Variants in ANK2 observed in about 807,000 individuals in gnomAD.
ANK2 encodes the protein ankyrin-2.
Under a neutral mutation model 360.5 loss-of-function variants are expected in ANK2, and 83 were observed. The ratio of observed to expected loss-of-function variants is 0.23; its 90% CI spans 0.19 to 0.28. ANK2 has a LOEUF of 0.28. ANK2 is among the 10% of genes least tolerant of loss of function. ANK2 has a pLI of 1.00. For synonymous variants in ANK2, 1,740 were observed against 1,759.5 expected (o/e 0.99, Z 0.28); for missense variants, 4,201 against 4,795.7 (o/e 0.88, Z 3.66).
chr4:112,783,774 C>T, the ANK2 span, among the ~76,000 whole-genome samples: 2 of 151,560 alleles, frequency 1.3e-5, no homozygotes, highest in African/African-American at 4.9e-5. Context: ...CTCAGCCTCC[C>T]GAATAGCTGG....
intron 2 of ANK2, among the ~76,000 whole-genome samples, chr4:112,913,947 T>C (rs1178852315): frequency 2.0e-5 from 3 of 152,164 alleles, no homozygotes; most frequent in African/African-American, 7.2e-5. Flanking sequence ...GATGGGAATA[T>C]TTTGTTGAGT....
chr4:113,083,914 T>C (rs2083436668), intron 1 of ANK2, among the ~76,000 whole-genome samples: 1 of 152,172 alleles, frequency 6.6e-6, no homozygotes. Flanking sequence ...AAGCATAAAA[T>C]TTCATGGTTT....
chr4:113,109,089 G>A (rs780134200), intron 1 of ANK2, among the ~76,000 whole-genome samples: 56 of 151,476 alleles, frequency 3.7e-4, no homozygotes, highest in Non-Finnish European at 6.9e-4. Flanking sequence ...CTGTTCTTAC[G>A]CAAAGCAGTA....
chr4:112,881,365 G>C (rs1373549280), intron 1 of ANK2, among the ~76,000 whole-genome samples: 1 of 152,230 alleles, frequency 6.6e-6, no homozygotes, highest in South Asian at 2.1e-4. Flanking sequence ...GAGCCCAGGA[G>C]GTGGAGGTTG....
the ANK2 span, among the ~76,000 whole-genome samples, chr4:112,793,465 GAGA>G: frequency 5.3e-5 from 8 of 152,170 alleles, no homozygotes; most frequent in East Asian, 1.2e-3. Flanking sequence ...GTAGTAATAA[GAGA>G]AGTAGATTTT....
intron 2 of ANK2, among the ~76,000 whole-genome samples, chr4:112,958,200 G>C (rs1402507433): frequency 3.3e-5 from 5 of 152,024 alleles, no homozygotes; most frequent in African/African-American, 7.3e-5. Context: ...GGTGGCGGCC[G>C]GGCAGAGGCT....
chr4:112,839,369 A>G (rs919936984), intron 1 of ANK2, among the ~76,000 whole-genome samples: 18 of 152,066 alleles, frequency 1.2e-4, no homozygotes, highest in Admixed American at 4.6e-4. Context: ...TTTTTTTTCA[A>G]TGAAATCTGC....
intron 2 of ANK2, among the ~76,000 whole-genome samples, chr4:112,997,946 C>T (rs961325847): frequency 6.7e-6 from 1 of 149,270 alleles, no homozygotes; most frequent in Non-Finnish European, 1.5e-5. Context: ...TTTCTCAAAA[C>T]TTTGGTGTCA....
Position 113,237,016 on chromosome 4 carries a change from C to A in ANK2, c.513C>A (p.Leu171=), listed in dbSNP as rs754837606. The A allele has an allele frequency of 4.3e-6, 7 of 1,614,162 alleles. No individual in the cohort carries two copies. Among genetic ancestry groups the A allele is most frequent in the Non-Finnish European group, 5.9e-6 (7 of 1,180,026 alleles). ...GCTTTACTCCTCTAGCTGTGGCACT[C>A]CAGCAAGGACACAACCAGGCGGTGG... ...EDGFTPLAVA[L]QQGHNQAVAI... The change falls in exon 6 of 46, where the codon CTC becomes CTA. Residue 171 remains leucine (L), a synonymous_variant. Transcript: ENST00000357077.
intron 1 of ANK2, among the ~76,000 whole-genome samples, chr4:112,861,968 CAA>C (rs1395570717): frequency 2.0e-5 from 3 of 152,034 alleles, no homozygotes; most frequent in Non-Finnish European, 4.4e-5. Context: ...GCACCGAGTC[CAA>C]ACCTTGGCTC....
upstream of ANK2, among the ~76,000 whole-genome samples, chr4:113,048,271 TATATA>T (rs1254803295): frequency 5.7e-4 from 37 of 64,600 alleles, no homozygotes; most frequent in African/African-American, 1.8e-3. Context: ...TATATATATA[TATATA>T]TTTTTTTTTT....
chr4:113,075,551 C>G (rs2079568653), intron 1 of ANK2, among the ~76,000 whole-genome samples: 1 of 152,104 alleles, frequency 6.6e-6, no homozygotes, highest in Admixed American at 6.5e-5. Flanking sequence ...TGGCATGTGG[C>G]AGATGGAACA....
At chr4:112,824,923 C>A (rs1024186029) in intron 1 of ANK2, among the ~76,000 whole-genome samples, 1 of 152,072 alleles carries the variant, frequency 6.6e-6, no homozygotes. Context: ...GTAAAAAAAC[C>A]AGTTCTGTAT....
At chr4:113,231,466 G>A (rs2099304214) in intron 4 of ANK2, among the ~76,000 whole-genome samples, 1 of 152,056 alleles carries the variant, frequency 6.6e-6, no homozygotes, top group Non-Finnish European at 1.5e-5. Flanking sequence ...GATAACCATG[G>A]TCTGTTTAAA....
chr4:113,252,937 C>G (rs1226162621), intron 10 of ANK2, among the ~76,000 whole-genome samples: 3 of 152,224 alleles, frequency 2.0e-5, no homozygotes, highest in Non-Finnish European at 4.4e-5. Flanking sequence ...TCTTCTAAGT[C>G]TATTCACTCT....
At chr4:113,299,705 CAAA>C (rs869269685) in intron 22 of ANK2, among the ~76,000 whole-genome samples, 3 of 75,078 alleles carry the variant, frequency 4.0e-5, no homozygotes, top group African/African-American at 7.7e-5. Flanking sequence ...AACGACATCT[CAAA>C]AAAAAAAAAA....
intron 1 of ANK2, among the ~76,000 whole-genome samples, chr4:112,829,245 T>C (rs2149635238): frequency 6.6e-6 from 1 of 152,242 alleles, no homozygotes; most frequent in African/African-American, 2.4e-5. Context: ...CTAGATAATC[T>C]GTCTAATGCT....
At chr4:113,091,503 T>G (rs1475520949) in intron 1 of ANK2, among the ~76,000 whole-genome samples, 4 of 152,230 alleles carry the variant, frequency 2.6e-5, no homozygotes, top group Non-Finnish European at 5.9e-5. Context: ...AATTAGAAAT[T>G]TTAATGTTGA....
In ANK2 at chr4:113,250,756, C is replaced by CA. The variant is rs2045781190; in HGVS notation, c.990+894_990+895insA. ...TATTCCATTCCACCTCATACCACCG[C>CA]CCCCCCCCCCGACAGAGTTGGTATC... is the stretch of plus-strand genomic sequence containing the variant. On this transcript the variant is annotated intron_variant, in intron 10 of 45. Coordinates refer to ENST00000357077, the MANE Select transcript of ANK2 (RefSeq NM_001148.6). 4.7e-4 allele frequency among the ~76,000 whole-genome samples: 10 copies of CA among 21,354 alleles called. 1 individual carries two copies. The South Asian group carries it at 0.028, about 59-fold the overall frequency. The allele number at this position is 21,354 out of a possible 152,430, so 14.0% of individuals were successfully genotyped here. A position where few individuals can be genotyped will look rare whatever the true frequency, so the allele number is the denominator to read the frequency against.
Sources: allele counts gnomAD v4.1 joint callset (sites outside exome capture counted in the v4.1 genomes callset), GRCh38; gene constraint gnomAD v4.1.1; transcripts MANE v1.5; gene names NCBI Gene and HGNC (gene_info 2026-07-23, HGNC 2026-07-21).